Variants in SHANK2 observed in about 807,000 individuals in gnomAD.
SHANK2 encodes SH3 and multiple ankyrin repeat domains protein 2.
SHANK2 carries 43 observed loss-of-function variants against 133.7 expected under a neutral mutation model. The observed-to-expected ratio is 0.32, with a 90% confidence interval of 0.25 to 0.41. The LOEUF is 0.41. SHANK2 is among the 10% of genes least tolerant of loss of function. The pLI, the probability that SHANK2 is intolerant of heterozygous loss-of-function variation, is 1.00. For synonymous variants in SHANK2, 1,017 were observed against 952.8 expected, an observed-to-expected ratio of 1.07 and a Z score of -1.24; for missense variants, 1,994 against 2,235.8, an observed-to-expected ratio of 0.89 and a Z score of 2.18.
intron 14 of SHANK2, among the ~76,000 whole-genome samples, chr11:70,743,285 G>T (rs1197555081): frequency 6.6e-6 from 1 of 152,250 alleles, no homozygotes. Flanking sequence ...GAAATCCCCG[G>T]TGTGAGGGTG....
At chr11:70,793,875 G>A (rs1947850207) in intron 14 of SHANK2, among the ~76,000 whole-genome samples, 1 of 152,170 alleles carries the variant, frequency 6.6e-6, no homozygotes. Context: ...ACCTTTTTTA[G>A]CAGGTTCATT....
At chr11:71,148,942 A>G (rs1344320009) in intron 2 of SHANK2, among the ~76,000 whole-genome samples, 1 of 151,968 alleles carries the variant, frequency 6.6e-6, no homozygotes, top group African/African-American at 2.4e-5. Context: ...TGCCCAATGC[A>G]GGAGAGCAGT....
chr11:71,135,053 C>T (rs1464623996), intron 3 of SHANK2, among the ~76,000 whole-genome samples: 9 of 152,160 alleles, frequency 5.9e-5, no homozygotes, highest in African/African-American at 2.2e-4. Context: ...ACACTGCTCC[C>T]GCAGCCCTCA....
At chr11:70,819,097 A>T (rs1948464200) in intron 12 of SHANK2, among the ~76,000 whole-genome samples, 1 of 152,216 alleles carries the variant, frequency 6.6e-6, no homozygotes, top group Admixed American at 6.5e-5. Context: ...GGAAACAGGA[A>T]GCATGTAGGA....
At chr11:70,860,345 C>T (rs1251403651) in intron 11 of SHANK2, among the ~76,000 whole-genome samples, 3 of 152,330 alleles carry the variant, frequency 2.0e-5, no homozygotes, top group East Asian at 1.9e-4. Flanking sequence ...TCCTCGTGCA[C>T]ACCTGCCCAT....
At chr11:70,745,374 C>G (rs1175351767) in intron 14 of SHANK2, among the ~76,000 whole-genome samples, 1 of 152,226 alleles carries the variant, frequency 6.6e-6, no homozygotes, top group Admixed American at 6.5e-5. Flanking sequence ...GTGCCCACAT[C>G]TCTCATCTAT....
chr11:71,094,694 G>A lies in SHANK2; in HGVS notation c.593-6C>T. The A allele has an allele frequency of 6.4e-7, 1 of 1,551,322 alleles. No homozygotes were observed. Among genetic ancestry groups the A allele is most frequent in the Non-Finnish European group, 8.7e-7 (1 of 1,146,614 alleles). On this transcript the variant is annotated splice_region_variant and splice_polypyrimidine_tract_variant and intron_variant, in intron 6 of 25. Coordinates refer to ENST00000601538, the MANE Select transcript of SHANK2 (RefSeq NM_012309.5). ...GGCTAAGGTCAGGGGGGTCTCTGAG[G>A]AACCCAAACACACACACTTTAGAAC...
intron 11 of SHANK2, among the ~76,000 whole-genome samples, chr11:70,871,359 G>T (rs1555070151): frequency 6.6e-6 from 1 of 152,220 alleles, no homozygotes; most frequent in African/African-American, 2.4e-5. Flanking sequence ...AAGATCACTG[G>T]CACCATAGGA....
intron 8 of SHANK2, among the ~76,000 whole-genome samples, chr11:71,090,625 CTG>C (rs782587800): frequency 0.079 from 8,104 of 102,646 alleles, 564 homozygotes; most frequent in African/African-American, 0.18. Flanking sequence ...AACACAACCT[CTG>C]TGTGTGTGTG....
chr11:70,868,051 G>A (rs782085360), intron 11 of SHANK2, among the ~76,000 whole-genome samples: 6 of 152,240 alleles, frequency 3.9e-5, no homozygotes, highest in Non-Finnish European at 7.3e-5. Flanking sequence ...AATAATGTAC[G>A]CCGTCACCAA....
chr11:70,538,376 G>A (rs2059571428), intron 17 of SHANK2, among the ~76,000 whole-genome samples: 1 of 152,266 alleles, frequency 6.6e-6, no homozygotes, highest in African/African-American at 2.4e-5. Flanking sequence ...GATGCACAGT[G>A]GAGTGGACAC....
At chr11:70,884,477 G>T (rs1429409569) in intron 11 of SHANK2, among the ~76,000 whole-genome samples, 5 of 152,220 alleles carry the variant, frequency 3.3e-5, no homozygotes, top group African/African-American at 1.2e-4. Context: ...TTTCCTAAGA[G>T]CTGTTGACTA....
At chr11:71,081,556 G>A (rs1951301385) in intron 8 of SHANK2, among the ~76,000 whole-genome samples, 1 of 152,136 alleles carries the variant, frequency 6.6e-6, no homozygotes, top group South Asian at 2.1e-4. Flanking sequence ...CTGCCAAAGT[G>A]CAGAGGGTGG....
intron 11 of SHANK2, among the ~76,000 whole-genome samples, chr11:70,873,588 T>C (rs1299635032): frequency 6.6e-6 from 1 of 152,136 alleles, no homozygotes; most frequent in East Asian, 1.9e-4. Flanking sequence ...CGTTCCACAG[T>C]CCCATCTGGG....
chr11:70,564,490 C>T (rs1294308434), intron 17 of SHANK2, among the ~76,000 whole-genome samples: 1 of 152,042 alleles, frequency 6.6e-6, no homozygotes, highest in Non-Finnish European at 1.5e-5. Context: ...GAACTCCTGA[C>T]CTCAACTGAT....
intron 10 of SHANK2, among the ~76,000 whole-genome samples, chr11:70,929,135 G>A (rs1950468100): frequency 6.6e-6 from 1 of 152,230 alleles, no homozygotes; most frequent in Non-Finnish European, 1.5e-5. Flanking sequence ...TCCAGAACTT[G>A]TACCTGAGGT....
chr11:70,936,806 G>A (rs1950577629), intron 10 of SHANK2, among the ~76,000 whole-genome samples: 1 of 152,168 alleles, frequency 6.6e-6, no homozygotes, highest in African/African-American at 2.4e-5. Flanking sequence ...CCTCCCTAAA[G>A]AACAGCCAGA....
chr11:71,204,891 C>T (rs1954098666), intron 2 of SHANK2, among the ~76,000 whole-genome samples: 1 of 152,120 alleles, frequency 6.6e-6, no homozygotes, highest in Non-Finnish European at 1.5e-5. Flanking sequence ...GGAAGGGACG[C>T]CTGGTCCCAG....
chr11:70,572,540 G>A (rs2060058370), intron 17 of SHANK2, among the ~76,000 whole-genome samples: 2 of 152,130 alleles, frequency 1.3e-5, no homozygotes, highest in African/African-American at 4.8e-5. Context: ...GGGAAGGGAA[G>A]GAAACTAAGG....
Sources: allele counts gnomAD v4.1 joint callset (sites outside exome capture counted in the v4.1 genomes callset), GRCh38; gene constraint gnomAD v4.1.1; transcripts MANE v1.5; gene names NCBI Gene and HGNC (gene_info 2026-07-23, HGNC 2026-07-21).